DOCK3: variants seen among roughly 807,000 people sequenced by gnomAD.
The protein encoded by DOCK3 is dedicator of cytokinesis protein 3.
In DOCK3, 60 loss-of-function variants were observed where a neutral mutation model predicts 265.6. The ratio of observed to expected loss-of-function variants is 0.23; its 90% CI spans 0.18 to 0.28. DOCK3 has a LOEUF of 0.28. DOCK3 is among the 10% of genes least tolerant of loss of function. The pLI is 1.00. For synonymous variants in DOCK3, 881 were observed against 938.0 expected (o/e 0.94, Z 1.11); for missense variants, 1,981 against 2,594.3 (o/e 0.76, Z 5.14).
At chr3:50,917,714 A>T (rs2050205268) in intron 4 of DOCK3, among the ~76,000 whole-genome samples, 1 of 151,864 alleles carries the variant, frequency 6.6e-6, no homozygotes, top group Non-Finnish European at 1.5e-5. Context: ...TTCAGTTGTC[A>T]TGAATGATAG....
chr3:50,971,051 A>G (rs2077219856), intron 5 of DOCK3, among the ~76,000 whole-genome samples: 1 of 136,560 alleles, frequency 7.3e-6, no homozygotes, highest in Non-Finnish European at 1.5e-5. Flanking sequence ...GCTGGTCTTG[A>G]ACTCCTGGCC....
At chr3:51,038,752 T>C (rs2080366042) in intron 5 of DOCK3, among the ~76,000 whole-genome samples, 1 of 152,150 alleles carries the variant, frequency 6.6e-6, no homozygotes, top group Admixed American at 6.5e-5. Flanking sequence ...ATTATTGTCA[T>C]CAGTCAATTT....
chr3:51,271,127 T>A, intron 24 of DOCK3, 120 bp downstream of exon 24: 1 of 1,184,716 alleles, frequency 8.4e-7, no homozygotes, highest in Non-Finnish European at 1.2e-6. Flanking sequence ...AAGAAACCAG[T>A]AACCCTTAAG....
intron 19 of DOCK3, among the ~76,000 whole-genome samples, chr3:51,234,767 TAGC>T (rs1345455362): frequency 6.6e-6 from 1 of 152,190 alleles, no homozygotes; most frequent in African/African-American, 2.4e-5. Context: ...CTAATGGCTT[TAGC>T]AGGCTGACAT....
intron 5 of DOCK3, among the ~76,000 whole-genome samples, chr3:50,985,141 G>A (rs891388852): frequency 2.6e-5 from 4 of 152,078 alleles, no homozygotes; most frequent in Non-Finnish European, 5.9e-5. Flanking sequence ...TTTCACTTTT[G>A]TATTCCTGAA....
intron 3 of DOCK3, among the ~76,000 whole-genome samples, chr3:50,860,106 G>GGT (rs112326393): frequency 1.8e-4 from 27 of 152,226 alleles, no homozygotes; most frequent in African/African-American, 6.5e-4. Context: ...CATGATGGAG[G>GGT]GTTTGTACTG....
At chr3:51,083,226 G>C (rs1333553437) in intron 7 of DOCK3, among the ~76,000 whole-genome samples, 1 of 152,144 alleles carries the variant, frequency 6.6e-6, no homozygotes, top group Non-Finnish European at 1.5e-5. Context: ...TGGAGAGTCT[G>C]CTACTGCACT....
intron 5 of DOCK3, among the ~76,000 whole-genome samples, chr3:51,015,460 G>T (rs1180231832): frequency 2.6e-5 from 4 of 151,208 alleles, no homozygotes; most frequent in Non-Finnish European, 5.9e-5. Flanking sequence ...AACCATCCTT[G>T]AATTCCTGCA....
intron 5 of DOCK3, among the ~76,000 whole-genome samples, chr3:51,047,582 T>C (rs2080828279): frequency 6.6e-6 from 1 of 151,992 alleles, no homozygotes; most frequent in Non-Finnish European, 1.5e-5. Context: ...ACATTACAGC[T>C]GATGCCACAG....
chr3:51,020,841 T>A (rs2079555038), intron 5 of DOCK3, among the ~76,000 whole-genome samples: 1 of 151,946 alleles, frequency 6.6e-6, no homozygotes, highest in Admixed American at 6.6e-5. Flanking sequence ...TCTGTTTTTG[T>A]ATCAGTACCA....
intron 1 of DOCK3, among the ~76,000 whole-genome samples, chr3:50,728,271 TAATG>T (rs2037959103): frequency 1.3e-5 from 2 of 152,182 alleles, no homozygotes; most frequent in African/African-American, 4.8e-5. Flanking sequence ...AATTGAATGA[TAATG>T]AATACGTAAC....
intron 3 of DOCK3, among the ~76,000 whole-genome samples, chr3:50,849,147 A>G (rs1240619074): frequency 1.3e-5 from 2 of 151,780 alleles, no homozygotes; most frequent in African/African-American, 4.8e-5. Flanking sequence ...CGGCCCCTCC[A>G]CTTTAGGCTT....
At chr3:51,016,938 T>C (rs1403307595) in intron 5 of DOCK3, among the ~76,000 whole-genome samples, 1 of 63,880 alleles carries the variant, frequency 1.6e-5, no homozygotes, top group Non-Finnish European at 2.6e-5. Flanking sequence ...ATATACAATA[T>C]ATGTTATATA....
At chr3:50,735,753 A>G (rs1266915829) in intron 1 of DOCK3, among the ~76,000 whole-genome samples, 1 of 152,170 alleles carries the variant, frequency 6.6e-6, no homozygotes, top group African/African-American at 2.4e-5. Flanking sequence ...CACTGCTATA[A>G]AGAAATACCT....
At chr3:51,172,143 A>G (rs923398185) in intron 12 of DOCK3, among the ~76,000 whole-genome samples, 8 of 147,138 alleles carry the variant, frequency 5.4e-5, no homozygotes, top group Admixed American at 2.7e-4. Context: ...TGCCACTCCT[A>G]CTCTCTTTTG....
rs976837644 is a variant in DOCK3, at chr3:51,046,150, A to C, written c.316-18298A>C. Among the ~76,000 whole-genome samples the C allele has an allele frequency of 2.8e-4, 42 of 152,352 alleles. 1 individual carries two copies. Among genetic ancestry groups the C allele is most frequent in the Admixed American group, 2.4e-3 (37 of 15,282 alleles). ...ATTATATCACTACAAAAAATCATTAAATCACAAAGGAAGAGAGGAGGAGGG... is the reference window on the plus strand; with the variant it reads ...ATTATATCACTACAAAAAATCATTACATCACAAAGGAAGAGAGGAGGAGGG... On this transcript the variant is annotated intron_variant, in intron 5 of 52. Transcript: ENST00000266037.
At chr3:51,252,601 A>G (rs1032360115) in intron 22 of DOCK3, among the ~76,000 whole-genome samples, 1 of 152,098 alleles carries the variant, frequency 6.6e-6, no homozygotes, top group African/African-American at 2.4e-5. Context: ...TGGATTCCTA[A>G]GTATTTTATT....
Position 50,914,384 on chromosome 3 carries a change from A to C in DOCK3, c.219-19597A>C, listed in dbSNP as rs980900050. On this transcript the variant is annotated intron_variant, in intron 4 of 52. Coordinates refer to ENST00000266037, the MANE Select transcript of DOCK3 (RefSeq NM_004947.5). ...CACTTTTGCTGTATCCATAGGTTTT[A>C]GTATGTTGTGTTTCTATTTTCACTT... Among the ~76,000 whole-genome samples, 13 of 151,954 alleles carry C rather than the reference A, an allele frequency of 8.6e-5. 1 individual carries two copies. Among genetic ancestry groups the C allele is most frequent in the African/African-American group, 2.9e-4 (12 of 41,302 alleles).
chr3:51,225,672 C>G lies in DOCK3; in HGVS notation c.1276C>G (p.Leu426Val), dbSNP rs767321815. The G allele has an allele frequency of 3.1e-6, 5 of 1,613,524 alleles. No homozygotes were observed. Among genetic ancestry groups the G allele is most frequent in the Non-Finnish European group, 4.2e-6 (5 of 1,179,636 alleles). The change falls in exon 15 of 53, where the codon CTA becomes GTA. Residue 426 changes from leucine to valine, a missense_variant. Transcript: ENST00000266037. ...AGGTGATATCCGCAATGACCTGTAC[C>G]TAACCCTGGAGAAGGGGGATTTCGA... is the stretch of plus-strand genomic sequence containing the variant. ...MPGDIRNDLY[L>V]TLEKGDFERG... is the part of the protein sequence containing the mutation.
Sources: gnomAD v4.1 joint callset for allele counts (sites outside exome capture counted in the v4.1 genomes callset) on GRCh38, gnomAD v4.1.1 for gene constraint, MANE v1.5 for transcripts, NCBI Gene and HGNC (gene_info 2026-07-23, HGNC 2026-07-21) for gene names.